MRPL14: variants seen among roughly 807,000 people sequenced by gnomAD.
The protein encoded by MRPL14 is mitochondrial ribosomal protein L14.
Under a neutral mutation model 10.9 loss-of-function variants are expected in MRPL14, and 8 were observed. The observed-to-expected ratio is 0.74, with a 90% CI of 0.43 to 1.33. The LOEUF is 1.33. Among genes scored for constraint, MRPL14 ranks in the 40% most tolerant of loss-of-function variants. The pLI, the probability that MRPL14 is intolerant of heterozygous loss-of-function variation, is 0.01. For synonymous variants in MRPL14, 82 were observed against 74.1 expected, an observed-to-expected ratio of 1.11 and a Z score of -0.54; for missense variants, 179 against 194.5, an observed-to-expected ratio of 0.92 and a Z score of 0.47.
At chr6:44,124,210 T>C (rs1181382465) in intron 1 of MRPL14, among the ~76,000 whole-genome samples, 1 of 151,998 alleles carries the variant, frequency 6.6e-6, no homozygotes, top group Non-Finnish European at 1.5e-5. Context: ...AGTTAAAGAA[T>C]GGGGGTGGGA....
chr6:44,115,395 TAC>T (rs1321332629), intron 2 of MRPL14, among the ~76,000 whole-genome samples: 1 of 152,148 alleles, frequency 6.6e-6, no homozygotes, highest in East Asian at 1.9e-4. Context: ...CGCCTGCTGC[TAC>T]ACTTATCTAG....
chr6:44,119,550 G>A (rs1375849062), intron 1 of MRPL14, among the ~76,000 whole-genome samples: 1 of 151,892 alleles, frequency 6.6e-6, no homozygotes, highest in East Asian at 1.9e-4. Flanking sequence ...GAATACTGAC[G>A]TCACATGCAC....
intron 1 of MRPL14, among the ~76,000 whole-genome samples, chr6:44,117,765 G>A (rs1775989462): frequency 6.6e-6 from 1 of 151,590 alleles, no homozygotes; most frequent in Non-Finnish European, 1.5e-5. Flanking sequence ...CCCAAGCTCA[G>A]GTGATCCTCC....
chr6:44,120,727 GGA>G (rs1776317264), intron 1 of MRPL14, among the ~76,000 whole-genome samples: 1 of 152,316 alleles, frequency 6.6e-6, no homozygotes, highest in Middle Eastern at 3.4e-3. Flanking sequence ...GATAACAGTA[GGA>G]GTGCAATAAA....
chr6:44,116,577 G>A lies in MRPL14; in HGVS notation c.35C>T (p.Thr12Ile), dbSNP rs537621553. 1.2e-6 allele frequency: 2 copies of A among 1,614,160 alleles called. No homozygotes were observed. The highest frequency in any genetic ancestry group is 1.7e-5 in the Admixed American group (1 of 60,028). Residue 12 changes from threonine (T) to isoleucine (I), a missense_variant, in exon 2 of 3, where the codon ACC (threonine) becomes ATC (isoleucine). Thr to Ile is a moderately conservative substitution (Grantham distance 89, BLOSUM62 -1). Coordinates refer to ENST00000372014, the MANE Select transcript of MRPL14 (RefSeq NM_032111.4). The part of the protein sequence containing the change: ...AFFTGLWGPF[T>I]CVSRVLSHHC... ...ATGGCTCAGCACTCTGCTTACACAG[G>A]TGAAGGGGCCCCAGAGCCCAGTAAA... is the stretch of plus-strand genomic sequence containing the variant.
chr6:44,127,424 G>A lies in MRPL14; in HGVS notation c.-99C>T, dbSNP rs1777329174. ...TCGCCCCACGCGGCCTCTTCCTAGC[G>A]CCTGCGCGCCAGGCCCAGCCCGGCG... is the stretch of plus-strand genomic sequence containing the variant. On this transcript the variant is annotated 5_prime_UTR_variant, in exon 1 of 3. Coordinates refer to ENST00000372014, the MANE Select transcript of MRPL14 (RefSeq NM_032111.4). 1 of 151,890 alleles carries A rather than the reference G, an allele frequency of 6.6e-6. No individual in the cohort carries two copies. The highest frequency in any genetic ancestry group is 1.5e-5 in the Non-Finnish European group (1 of 68,070). 9.4% of individuals were successfully genotyped at this position (151,890 alleles called of 1,614,324 possible).
intron 1 of MRPL14, among the ~76,000 whole-genome samples, chr6:44,125,905 T>C (rs1055313635): frequency 6.6e-5 from 10 of 152,298 alleles, no homozygotes; most frequent in African/African-American, 2.4e-4. Flanking sequence ...TTCCTTTCTT[T>C]CACAGTTGAA....
intron 1 of MRPL14, among the ~76,000 whole-genome samples, chr6:44,122,214 C>T (rs1776509924): frequency 1.3e-5 from 2 of 152,112 alleles, no homozygotes; most frequent in African/African-American, 4.8e-5. Context: ...TCCCAAGTAG[C>T]TGGGACTACA....
intron 1 of MRPL14, among the ~76,000 whole-genome samples, chr6:44,119,249 G>A (rs1197802863): frequency 2.0e-5 from 3 of 151,704 alleles, no homozygotes; most frequent in African/African-American, 4.8e-5. Context: ...TCAGCTGGGC[G>A]CGGTGGCTCA....
chr6:44,120,602 T>A (rs555377338), intron 1 of MRPL14, among the ~76,000 whole-genome samples: 1 of 152,134 alleles, frequency 6.6e-6, no homozygotes, highest in Non-Finnish European at 1.5e-5. Flanking sequence ...CCTATGAACT[T>A]GAAAGCACAA....
intron 1 of MRPL14, among the ~76,000 whole-genome samples, chr6:44,126,045 G>A (rs1776992961): frequency 6.6e-6 from 1 of 152,226 alleles, no homozygotes. Flanking sequence ...CCTCCGTGAA[G>A]AAGATCCACC....
intron 1 of MRPL14, among the ~76,000 whole-genome samples, chr6:44,122,862 G>A (rs1776587828): frequency 6.6e-6 from 1 of 152,194 alleles, no homozygotes; most frequent in South Asian, 2.1e-4. Flanking sequence ...GAATTCTTGG[G>A]ACCCTCTGTC....
chr6:44,118,445 T>G (rs1776079982), intron 1 of MRPL14, among the ~76,000 whole-genome samples: 1 of 152,156 alleles, frequency 6.6e-6, no homozygotes, highest in African/African-American at 2.4e-5. Flanking sequence ...AGTCCCACAA[T>G]TAGTCAAGGG....
In MRPL14 at chr6:44,113,839, C is replaced by T; in HGVS notation, c.*4G>A. 1 of 1,546,428 alleles carries T rather than the reference C, an allele frequency of 6.5e-7. No individual in the cohort carries two copies. The highest frequency in any genetic ancestry group is 8.8e-7 in the Non-Finnish European group (1 of 1,142,762). On this transcript the variant is annotated 3_prime_UTR_variant, in exon 3 of 3. Coordinates refer to ENST00000372014, the MANE Select transcript of MRPL14 (RefSeq NM_032111.4). ...AGTCCTGCAACCAGAGGCCTGGGCT[C>T]AACTCACACAAAGTTCTGAGCAATG...
At chr6:44,117,240 A>G (rs527411956) in intron 1 of MRPL14, among the ~76,000 whole-genome samples, 2 of 152,152 alleles carry the variant, frequency 1.3e-5, no homozygotes, top group South Asian at 4.1e-4. Context: ...TGTAACATGG[A>G]AAACTGACCT....
chr6:44,118,744 C>T (rs182371513), intron 1 of MRPL14, among the ~76,000 whole-genome samples: 32 of 152,188 alleles, frequency 2.1e-4, no homozygotes, highest in Admixed American at 1.8e-3. Flanking sequence ...GTGGGCAGAT[C>T]ACCTGAGGTC....
Position 44,113,788 on chromosome 6 carries a change from T to G in MRPL14, c.*55A>C, listed in dbSNP as rs1582712219. 6.6e-7 allele frequency: 1 copy of G among 1,505,550 alleles called. No homozygotes were observed. The allele number at this position is 1,505,550 out of a possible 1,614,324, so 93.3% of individuals were successfully genotyped here. A position where few individuals can be genotyped will look rare whatever the true frequency, so the allele number is the denominator to read the frequency against. On this transcript the variant is annotated 3_prime_UTR_variant, in exon 3 of 3. Transcript: ENST00000372014. ...CTCCCAAGCTCCCTTAGCAAAAGGG[T>G]GGTTCTCAGAACTGCTCCATTCACG...
In MRPL14 at chr6:44,113,899, G is replaced by A. The variant is rs760309209; in HGVS notation, c.382C>T (p.Arg128Cys). Residue 128 changes from arginine to cysteine, a missense_variant, in exon 3 of 3, where the codon CGC becomes TGC. Transcript: ENST00000372014. The part of the protein sequence containing the change: ...RIKTPIPTSL[R>C]KREGEYSKVL... ...TTGGAATACTCGCCTTCCCGCTTGC[G>A]CAGGCTGGTGGGGATGGGTGTCTTA... is the stretch of plus-strand genomic sequence containing the variant. 9.4e-6 allele frequency: 15 copies of A among 1,601,756 alleles called. No individual in the cohort carries two copies. Among genetic ancestry groups the A allele is most frequent in the East Asian group, 6.7e-5 (3 of 44,520 alleles).
At chr6:44,117,011 C>A (rs562245449) in intron 1 of MRPL14, among the ~76,000 whole-genome samples, 60 of 152,334 alleles carry the variant, frequency 3.9e-4, no homozygotes, top group African/African-American at 1.4e-3. Flanking sequence ...CACTATTGCC[C>A]TTTTTGATAT....
Sources: gnomAD v4.1 joint callset for allele counts (sites outside exome capture counted in the v4.1 genomes callset) on GRCh38, gnomAD v4.1.1 for gene constraint, MANE v1.5 for transcripts, NCBI Gene and HGNC (gene_info 2026-07-23, HGNC 2026-07-21) for gene names.